ZNF423: variants seen among roughly 807,000 people sequenced by gnomAD.
The protein encoded by ZNF423 is Ebf-associated zinc finger protein.
In ZNF423, 12 loss-of-function variants were observed where a neutral mutation model predicts 95.8. The ratio of observed to expected loss-of-function variants is 0.13; its 90% CI spans 0.08 to 0.20. The LOEUF (loss-of-function observed/expected upper bound fraction) is 0.20. Among genes scored for constraint, ZNF423 ranks in the 10% least tolerant of loss-of-function variants. The pLI is 1.00. For missense variants in ZNF423, 1,316 were observed against 1,737.1 expected, an observed-to-expected ratio of 0.76 and a Z score of 4.31; for synonymous variants, 749 against 711.9, an observed-to-expected ratio of 1.05 and a Z score of -0.83.
chr16:49,566,277 C>T (rs1029036670), intron 5 of ZNF423, among the ~76,000 whole-genome samples: 3 of 152,190 alleles, frequency 2.0e-5, no homozygotes, highest in Non-Finnish European at 4.4e-5. Flanking sequence ...CAAAGAAGGC[C>T]CATGGCTCCT....
At chr16:49,650,415 T>G (rs577464523) in intron 3 of ZNF423, among the ~76,000 whole-genome samples, 1 of 152,350 alleles carries the variant, frequency 6.6e-6, no homozygotes, top group East Asian at 1.9e-4. Context: ...AAACATTGGA[T>G]GAACATTGGC....
chr16:49,513,677 G>A (rs1175981878), intron 7 of ZNF423, among the ~76,000 whole-genome samples: 3 of 55,474 alleles, frequency 5.4e-5, no homozygotes, highest in Non-Finnish European at 1.1e-4. Flanking sequence ...ATGGATGGAC[G>A]GACGGATGGC....
At chr16:49,756,586 G>A (rs938417578) in intron 2 of ZNF423, among the ~76,000 whole-genome samples, 14 of 152,128 alleles carry the variant, frequency 9.2e-5, no homozygotes, top group African/African-American at 2.9e-4. Flanking sequence ...CACCAAATGC[G>A]TGTCTCGAAA....
Position 49,855,625 on chromosome 16 carries a change from G to A in ZNF423, c.40+110C>T, listed in dbSNP as rs978933221. The stretch of plus-strand genomic sequence containing the variant: ...TCTGCCGCCTCCTCCTCCTCCTCTC[G>A]GCTCGCTCGCGCGGGTCCCCGGCAG... On this transcript the variant is annotated intron_variant, in intron 1 of 7. Coordinates refer to ENST00000563137, the MANE Select transcript of ZNF423 (RefSeq NM_001379286.1). The surrounding 1 kb of genome is among the most constrained non-coding windows in gnomAD (Gnocchi z 4.7). 2 of 162,504 alleles carry A rather than the reference G, an allele frequency of 1.2e-5. No individual in the cohort carries two copies. Among genetic ancestry groups the A allele is most frequent in the South Asian group, 1.3e-4 (1 of 7,448 alleles). 10.1% of individuals were successfully genotyped at this position (162,504 alleles called of 1,614,324 possible).
intron 2 of ZNF423, among the ~76,000 whole-genome samples, chr16:49,780,288 G>T (rs1163572605): frequency 6.6e-6 from 1 of 152,224 alleles, no homozygotes; most frequent in Non-Finnish European, 1.5e-5. Flanking sequence ...GGGCCCCAAG[G>T]CTGGTGCAGA....
chr16:49,528,952 T>A (rs1968734667), intron 5 of ZNF423, among the ~76,000 whole-genome samples: 1 of 151,860 alleles, frequency 6.6e-6, no homozygotes, highest in South Asian at 2.1e-4. Flanking sequence ...GGTCCGCCGA[T>A]AGTGGCACCC....
At chr16:49,493,108 C>T (rs1236803851) in intron 7 of ZNF423, among the ~76,000 whole-genome samples, 1 of 152,098 alleles carries the variant, frequency 6.6e-6, no homozygotes, top group Non-Finnish European at 1.5e-5. Context: ...GAACCCGCAC[C>T]CTCCAGCCGT....
At chr16:49,760,781 G>A (rs1353879596) in intron 2 of ZNF423, among the ~76,000 whole-genome samples, 2 of 151,850 alleles carry the variant, frequency 1.3e-5, no homozygotes, top group Non-Finnish European at 2.9e-5. Context: ...TGAGACTCAG[G>A]ACAGCACCCC....
chr16:49,687,604 G>A (rs2031614386), intron 3 of ZNF423, among the ~76,000 whole-genome samples: 2 of 152,214 alleles, frequency 1.3e-5, no homozygotes, highest in African/African-American at 2.4e-5. Context: ...AATGAAAATA[G>A]CTGCCCAACA....
At chr16:49,614,710 T>TA (rs1971821153) in intron 5 of ZNF423, among the ~76,000 whole-genome samples, 1 of 152,236 alleles carries the variant, frequency 6.6e-6, no homozygotes, top group Admixed American at 6.5e-5. Context: ...AGAAACTGGG[T>TA]AAAGTGTACA....
At chr16:49,590,441 G>A (rs1441502020) in intron 5 of ZNF423, among the ~76,000 whole-genome samples, 1 of 152,100 alleles carries the variant, frequency 6.6e-6, no homozygotes, top group Non-Finnish European at 1.5e-5. Flanking sequence ...GGGTCTTCTG[G>A]AAAAGAGAAA....
At position 49,488,230 on chromosome 16, in the gene ZNF423, C is replaced by T. The variant is rs765487656; in HGVS notation, c.*3045G>A. 2 of 152,258 alleles carry T rather than the reference C, an allele frequency of 1.3e-5. No individual in the cohort carries two copies. The highest frequency in any genetic ancestry group is 4.8e-5 in the African/African-American group (2 of 41,460). 9.4% of individuals were successfully genotyped at this position (152,258 alleles called of 1,614,324 possible). On this transcript the variant is annotated 3_prime_UTR_variant, in exon 8 of 8. Coordinates refer to ENST00000563137, the MANE Select transcript of ZNF423 (RefSeq NM_001379286.1). ...AGGTGAAAAGTTCAATATTACACAA[C>T]TGTGAATTTAAAAGGAGCGTTCTTT...
At chr16:49,507,300 C>T (rs1967685260) in intron 7 of ZNF423, among the ~76,000 whole-genome samples, 1 of 123,712 alleles carries the variant, frequency 8.1e-6, no homozygotes, top group African/African-American at 3.5e-5. Flanking sequence ...TGGATGATCC[C>T]ACATTTTTTT....
chr16:49,556,792 T>C (rs1279921045), intron 5 of ZNF423, among the ~76,000 whole-genome samples: 4 of 152,266 alleles, frequency 2.6e-5, no homozygotes, highest in African/African-American at 9.6e-5. Context: ...TTAGCTCCTG[T>C]ATTTATAGTA....
intron 3 of ZNF423, among the ~76,000 whole-genome samples, chr16:49,721,617 G>C (rs1214418309): frequency 6.6e-6 from 1 of 152,036 alleles, no homozygotes; most frequent in South Asian, 2.1e-4. Flanking sequence ...CATCCCAGGG[G>C]CTTTGTACAG....
intron 5 of ZNF423, among the ~76,000 whole-genome samples, chr16:49,574,715 C>T (rs867546386): frequency 6.7e-5 from 9 of 135,148 alleles, no homozygotes; most frequent in Middle Eastern, 4.1e-3. Context: ...CACTCCAGGT[C>T]GTGCATCCCA....
rs149681767 is a variant in ZNF423, at chr16:49,615,337, G to A, written c.3601+10833C>T. On this transcript the variant is annotated intron_variant, in intron 5 of 7. Transcript: ENST00000563137. The stretch of plus-strand genomic sequence containing the variant: ...ATGCAAATGAATGGAGACATACTTC[G>A]ACTAAAAATGTATTGGCTGTTTATT... Among the ~76,000 whole-genome samples, 415 of 152,258 alleles carry A rather than the reference G, an allele frequency of 2.7e-3. 1 individual carries two copies. Among genetic ancestry groups the A allele is most frequent in the African/African-American group, 9.5e-3 (395 of 41,532 alleles).
At chr16:49,844,902 G>A (rs1386174390) in intron 1 of ZNF423, among the ~76,000 whole-genome samples, 1 of 151,886 alleles carries the variant, frequency 6.6e-6, no homozygotes, top group African/African-American at 2.4e-5. Flanking sequence ...ACGTGTGGTG[G>A]CACATGCCTG....
At position 49,635,627 on chromosome 16, in the gene ZNF423, A is replaced by G. The variant is rs746598269; in HGVS notation, c.3516+33T>C. Reference sequence around the variant, plus strand: ...GGACCAGAGGAGCCCCAAGGAGAGGAGCAGGGAGCAGGATGAGGTGGACTG... The same window carrying G: ...GGACCAGAGGAGCCCCAAGGAGAGGGGCAGGGAGCAGGATGAGGTGGACTG... On this transcript the variant is annotated intron_variant, in intron 4 of 7. Transcript: ENST00000563137. This position sits in a 1 kb window ranked among gnomAD's most constrained non-coding sequence, Gnocchi z 4.8. 6 of 1,516,406 alleles carry G rather than the reference A, an allele frequency of 4.0e-6. No homozygotes were observed. The highest frequency in any genetic ancestry group is 5.3e-6 in the Non-Finnish European group (6 of 1,134,788). 93.9% of individuals were successfully genotyped at this position (1,516,406 alleles called of 1,614,324 possible). A position where few individuals can be genotyped will look rare whatever the true frequency, so the allele number is the denominator to read the frequency against.
Sources: allele counts gnomAD v4.1 joint callset (sites outside exome capture counted in the v4.1 genomes callset), GRCh38; gene constraint gnomAD v4.1.1; non-coding constraint Gnocchi (gnomAD v3.1); transcripts MANE v1.5; gene names NCBI Gene and HGNC (gene_info 2026-07-23, HGNC 2026-07-21).